RNGTT: variants seen among roughly 807,000 people sequenced by gnomAD.
RNGTT encodes the protein mRNA-capping enzyme.
RNGTT carries 33 observed loss-of-function variants against 79.3 expected under a neutral mutation model. The observed-to-expected ratio is 0.42, with a 90% CI of 0.32 to 0.56. RNGTT has a LOEUF of 0.56. RNGTT is among the 20% of genes least tolerant of loss of function. RNGTT has a pLI of 0.17. For synonymous variants in RNGTT, 222 were observed against 235.9 expected, an observed-to-expected ratio of 0.94 and a Z score of 0.54; for missense variants, 497 against 739.1, an observed-to-expected ratio of 0.67 and a Z score of 3.80.
At chr6:88,688,695 T>C (rs1199363777) in intron 13 of RNGTT, among the ~76,000 whole-genome samples, 1 of 152,198 alleles carries the variant, frequency 6.6e-6, no homozygotes, top group African/African-American at 2.4e-5. Context: ...AATTATAGTA[T>C]TGGATTATAA....
intron 13 of RNGTT, among the ~76,000 whole-genome samples, chr6:88,736,862 A>C (rs145700556): frequency 2.0e-5 from 3 of 152,312 alleles, no homozygotes; most frequent in Non-Finnish European, 4.4e-5. Flanking sequence ...CTTCAAGAAA[A>C]AGTAACAACA....
At chr6:88,656,961 C>A (rs1278670989) in intron 14 of RNGTT, among the ~76,000 whole-genome samples, 1 of 151,944 alleles carries the variant, frequency 6.6e-6, no homozygotes, top group Admixed American at 6.6e-5. Flanking sequence ...ATGGTGGCAA[C>A]ATGCCTGTAA....
At chr6:88,706,280 G>C (rs1324672386) in intron 13 of RNGTT, among the ~76,000 whole-genome samples, 2 of 151,810 alleles carry the variant, frequency 1.3e-5, no homozygotes, top group Non-Finnish European at 2.9e-5. Flanking sequence ...GGTAAAATGA[G>C]GTAAAGCAAG....
intron 4 of RNGTT, among the ~76,000 whole-genome samples, chr6:88,921,685 G>T (rs1397472536): frequency 6.6e-6 from 1 of 151,482 alleles, no homozygotes; most frequent in Non-Finnish European, 1.5e-5. Flanking sequence ...TCCCTCTTTG[G>T]TAATTATCAT....
intron 8 of RNGTT, among the ~76,000 whole-genome samples, chr6:88,879,772 T>C (rs1046971572): frequency 1.3e-5 from 2 of 152,226 alleles, no homozygotes; most frequent in African/African-American, 4.8e-5. Context: ...AAGCTCACTT[T>C]TTACACTTTC....
chr6:88,849,871 ATTT>A (rs202128011), intron 9 of RNGTT, 45 bp from the exon 10 acceptor site: 1 of 1,475,040 alleles, frequency 6.8e-7, no homozygotes, highest in East Asian at 2.5e-5. Flanking sequence ...TTTAATAACA[ATTT>A]TTTTTAATTT....
At chr6:88,632,010 G>C (rs1366131229) in intron 14 of RNGTT, among the ~76,000 whole-genome samples, 3 of 152,102 alleles carry the variant, frequency 2.0e-5, no homozygotes, top group East Asian at 3.9e-4. Context: ...GCCCAAGCTA[G>C]AGTGGTGTGG....
intron 4 of RNGTT, among the ~76,000 whole-genome samples, chr6:88,922,597 G>A (rs571011986): frequency 4.6e-5 from 7 of 151,748 alleles, no homozygotes; most frequent in Admixed American, 1.3e-4. Context: ...GCGCAATCTC[G>A]GCTCACTGCA....
At chr6:88,737,218 G>A (rs1232230484) in intron 13 of RNGTT, among the ~76,000 whole-genome samples, 1 of 152,156 alleles carries the variant, frequency 6.6e-6, no homozygotes, top group Non-Finnish European at 1.5e-5. Context: ...GCCATAGACT[G>A]ATTTCTCCTT....
At chr6:88,841,875 G>A (rs754686209) in intron 11 of RNGTT, among the ~76,000 whole-genome samples, 7 of 152,166 alleles carry the variant, frequency 4.6e-5, no homozygotes, top group Non-Finnish European at 7.4e-5. Flanking sequence ...TGCCAAATGT[G>A]CCCCCTTATC....
intron 14 of RNGTT, among the ~76,000 whole-genome samples, chr6:88,647,707 A>AAAAAAAAG (rs1773626887): frequency 6.7e-6 from 1 of 148,826 alleles, no homozygotes; most frequent in African/African-American, 2.6e-5. Flanking sequence ...CTGTTAAAAA[A>AAAAAAAAG]AAAAAAAAAA....
At position 88,614,553 on chromosome 6, in the gene RNGTT, T is replaced by C. The variant is rs568310031; in HGVS notation, c.1507-158A>G. Among the ~76,000 whole-genome samples the C allele has an allele frequency of 2.6e-5, 4 of 152,342 alleles. No homozygotes were observed. The East Asian group carries it at 7.7e-4, about 29-fold the overall frequency. ...GAAGTATCTAATCAAGCTTAAGGTA[T>C]GGTGTGCACTCCCTTGTACACATGC... On this transcript the variant is annotated intron_variant, in intron 14 of 15. Transcript: ENST00000369485.
At chr6:88,840,895 CT>C (rs1781264522) in intron 11 of RNGTT, among the ~76,000 whole-genome samples, 1 of 152,160 alleles carries the variant, frequency 6.6e-6, no homozygotes, top group Non-Finnish European at 1.5e-5. Context: ...ACTGATTTGA[CT>C]AATGAAATTA....
At chr6:88,675,677 C>A (rs1774844672) in intron 14 of RNGTT, among the ~76,000 whole-genome samples, 1 of 148,120 alleles carries the variant, frequency 6.8e-6, no homozygotes. Context: ...AGTATAAGAT[C>A]ATAGAGTTTA....
At chr6:88,934,239 C>T (rs999099024) in intron 2 of RNGTT, among the ~76,000 whole-genome samples, 2 of 152,128 alleles carry the variant, frequency 1.3e-5, no homozygotes, top group African/African-American at 4.8e-5. Flanking sequence ...GTTATGTTAT[C>T]AAGGCTGGTC....
chr6:88,939,300 G>T (rs930865290), intron 2 of RNGTT, among the ~76,000 whole-genome samples: 1 of 151,984 alleles, frequency 6.6e-6, no homozygotes, highest in Non-Finnish European at 1.5e-5. Context: ...TTCTTTTTTA[G>T]CATTTTATCT....
chr6:88,846,668 G>A (rs1477292547), intron 10 of RNGTT, among the ~76,000 whole-genome samples: 2 of 151,932 alleles, frequency 1.3e-5, no homozygotes, highest in African/African-American at 2.4e-5. Flanking sequence ...GCTGAGGCAT[G>A]AGAATTGCCT....
At chr6:88,889,869 T>C (rs1782984543) in intron 8 of RNGTT, among the ~76,000 whole-genome samples, 1 of 152,084 alleles carries the variant, frequency 6.6e-6, no homozygotes, top group Admixed American at 6.5e-5. Context: ...TAAGCTACTA[T>C]TCAGGAGACT....
chr6:88,829,104 AATG>A (rs1310709614), intron 11 of RNGTT, among the ~76,000 whole-genome samples: 1 of 152,188 alleles, frequency 6.6e-6, no homozygotes, highest in Admixed American at 6.5e-5. Context: ...CCAAGGCTGA[AATG>A]AAGGAAAAAA....
Sources: gnomAD v4.1 joint callset for allele counts (sites outside exome capture counted in the v4.1 genomes callset) on GRCh38, gnomAD v4.1.1 for gene constraint, MANE v1.5 for transcripts, NCBI Gene and HGNC (gene_info 2026-07-23, HGNC 2026-07-21) for gene names.